Variants in SLC9B1 observed in about 807,000 individuals in gnomAD.
The protein encoded by SLC9B1 is sodium/hydrogen exchanger 9B1.
SLC9B1 carries 32 observed loss-of-function variants against 51.7 expected under a neutral mutation model. The observed-to-expected ratio is 0.62, with a 90% CI of 0.47 to 0.83. SLC9B1 has a LOEUF of 0.83. Ranked by LOEUF, SLC9B1 falls within the 40% of genes least tolerant of loss-of-function variation. The pLI, the probability that SLC9B1 is intolerant of heterozygous loss-of-function variation, is 0.00. For missense variants in SLC9B1, 406 were observed against 613.2 expected, an observed-to-expected ratio of 0.66 and a Z score of 3.57; for synonymous variants, 145 against 212.7, an observed-to-expected ratio of 0.68 and a Z score of 2.77.
chr4:102,947,133 T>C (rs1398205187), intron 4 of SLC9B1, among the ~76,000 whole-genome samples: 1 of 152,042 alleles, frequency 6.6e-6, no homozygotes, highest in East Asian at 1.9e-4. Context: ...GAGTCTTGCG[T>C]TTTTTATGTG....
At chr4:102,933,758 C>T (rs760878851) in intron 6 of SLC9B1, among the ~76,000 whole-genome samples, 11 of 152,122 alleles carry the variant, frequency 7.2e-5, no homozygotes, top group Non-Finnish European at 1.3e-4. Flanking sequence ...TAATCCATAA[C>T]ATCAATTAAA....
At chr4:102,967,206 TCTGAGC>T (rs1738475221) in intron 3 of SLC9B1, among the ~76,000 whole-genome samples, 1 of 152,238 alleles carries the variant, frequency 6.6e-6, no homozygotes, top group South Asian at 2.1e-4. Flanking sequence ...TTTGTTGTCT[TCTGAGC>T]CCTCATTGAA....
intron 7 of SLC9B1, among the ~76,000 whole-genome samples, chr4:102,918,798 A>G (rs1189801649): frequency 1.3e-5 from 2 of 152,248 alleles, no homozygotes; most frequent in African/African-American, 4.8e-5. Flanking sequence ...AGAACGCAAG[A>G]AATAAATTTC....
At chr4:102,912,079 G>A in intron 7 of SLC9B1, 1 of 201,488 alleles carries the variant, frequency 5.0e-6, no homozygotes, top group South Asian at 6.1e-5. Flanking sequence ...TTTGCAGTGA[G>A]CTGAGATCGT....
intron 1 of SLC9B1, among the ~76,000 whole-genome samples, chr4:103,018,684 T>C (rs908809933): frequency 2.0e-5 from 3 of 152,050 alleles, no homozygotes; most frequent in Non-Finnish European, 4.4e-5. Context: ...AGGGACCTGG[T>C]ATGGTCCCGT....
chr4:102,973,370 T>C (rs936621840), intron 3 of SLC9B1, among the ~76,000 whole-genome samples: 25 of 152,242 alleles, frequency 1.6e-4, no homozygotes, highest in African/African-American at 5.8e-4. Flanking sequence ...AAGACATCTA[T>C]GCAAGTAACA....
At chr4:102,950,099 C>T (rs562731839) in intron 3 of SLC9B1, among the ~76,000 whole-genome samples, 6 of 152,170 alleles carry the variant, frequency 3.9e-5, no homozygotes, top group Non-Finnish European at 8.8e-5. Context: ...GCTTTTTCAT[C>T]AGGATGGAAA....
chr4:102,920,022 T>C (rs1735783455), intron 7 of SLC9B1, among the ~76,000 whole-genome samples: 1 of 152,232 alleles, frequency 6.6e-6, no homozygotes, highest in African/African-American at 2.4e-5. Context: ...TAAACGTCCC[T>C]GTCTGACAGC....
chr4:102,968,994 C>A (rs890627371), intron 3 of SLC9B1, among the ~76,000 whole-genome samples: 1 of 152,220 alleles, frequency 6.6e-6, no homozygotes, highest in Non-Finnish European at 1.5e-5. Flanking sequence ...GGGCGTCCAC[C>A]ATTGCTGAGG....
chr4:102,892,774 C>A (rs1263657172), intron 11 of SLC9B1: 1 of 152,118 alleles, frequency 6.6e-6, no homozygotes, highest in African/African-American at 2.4e-5. Flanking sequence ...TAACCCTGTA[C>A]TAGTGAGAAA....
chr4:102,965,652 A>G (rs1349173307), intron 3 of SLC9B1, among the ~76,000 whole-genome samples: 1 of 152,158 alleles, frequency 6.6e-6, no homozygotes, highest in African/African-American at 2.4e-5. Flanking sequence ...CTCTTACACT[A>G]TAAAATGTAA....
At chr4:102,995,472 T>C (rs1474239050) in intron 1 of SLC9B1, among the ~76,000 whole-genome samples, 1 of 152,118 alleles carries the variant, frequency 6.6e-6, no homozygotes, top group Non-Finnish European at 1.5e-5. Flanking sequence ...TTTTAAGATA[T>C]GTAACTATAA....
At chr4:102,994,723 T>C (rs1740128026) in intron 1 of SLC9B1, among the ~76,000 whole-genome samples, 1 of 152,086 alleles carries the variant, frequency 6.6e-6, no homozygotes, top group African/African-American at 2.4e-5. Context: ...CTTACAATCA[T>C]GGCAGAGGGC....
chr4:102,925,849 A>G (rs1025589906), intron 7 of SLC9B1, among the ~76,000 whole-genome samples: 5 of 152,240 alleles, frequency 3.3e-5, no homozygotes, highest in African/African-American at 1.2e-4. Context: ...AATCCTCAAT[A>G]AAATACTGGC....
chr4:102,945,397 TAA>T, intron 5 of SLC9B1, 77 bp from the exon 6 acceptor site: 3 of 1,432,282 alleles, frequency 2.1e-6, no homozygotes, highest in Non-Finnish European at 9.3e-7. Flanking sequence ...TGTCAAACTA[TAA>T]AGTCTTTTTT....
At chr4:102,925,916 T>C (rs958028114) in intron 7 of SLC9B1, among the ~76,000 whole-genome samples, 25 of 152,116 alleles carry the variant, frequency 1.6e-4, no homozygotes, top group Non-Finnish European at 5.9e-5. Context: ...GTCGGCTTCA[T>C]CTCTGGGATG....
chr4:102,930,867 A>G (rs1482042635), intron 7 of SLC9B1, among the ~76,000 whole-genome samples: 1 of 152,204 alleles, frequency 6.6e-6, no homozygotes, highest in Non-Finnish European at 1.5e-5. Flanking sequence ...ATGATATACA[A>G]ATACATTTAC....
intron 3 of SLC9B1, among the ~76,000 whole-genome samples, chr4:102,981,111 A>G (rs1456544051): frequency 6.6e-6 from 1 of 152,226 alleles, no homozygotes; most frequent in African/African-American, 2.4e-5. Flanking sequence ...TAGCTATTTC[A>G]GATTGGCTTC....
intron 1 of SLC9B1, among the ~76,000 whole-genome samples, chr4:103,006,918 T>A (rs1310928761): frequency 6.6e-6 from 1 of 152,220 alleles, no homozygotes; most frequent in Non-Finnish European, 1.5e-5. Flanking sequence ...TGGCTTTTAA[T>A]AAAATTCAGC....
Sources: gnomAD v4.1 joint callset for allele counts (sites outside exome capture counted in the v4.1 genomes callset) on GRCh38, gnomAD v4.1.1 for gene constraint, MANE v1.5 for transcripts, NCBI Gene and HGNC (gene_info 2026-07-23, HGNC 2026-07-21) for gene names.